Variants in XKR4 observed in about 807,000 individuals in gnomAD.
XKR4 encodes XK-related protein 4.
A neutral mutation model predicts 53.9 loss-of-function variants in XKR4; 12 were observed. The observed-to-expected ratio is 0.22, with a 90% CI of 0.14 to 0.36. XKR4 has a LOEUF of 0.36. Among genes scored for constraint, XKR4 ranks in the 10% least tolerant of loss-of-function variants. The probability of loss-of-function intolerance (pLI) is 1.00; values close to 1 mark genes in which losing one functional copy is unlikely to be tolerated. For missense variants in XKR4, 799 were observed against 859.5 expected, an observed-to-expected ratio of 0.93 and a Z score of 0.88; for synonymous variants, 354 against 362.4, an observed-to-expected ratio of 0.98 and a Z score of 0.26.
chr8:55,311,174 G>A (rs1374883967), intron 1 of XKR4, among the ~76,000 whole-genome samples: 4 of 152,176 alleles, frequency 2.6e-5, no homozygotes, highest in African/African-American at 4.8e-5. Context: ...ATTGGTAAAG[G>A]GACCCAAGGG....
At chr8:55,103,378 G>C (rs1816086937) in intron 1 of XKR4, 84 bp downstream of exon 1, 8 of 1,511,040 alleles carry the variant, frequency 5.3e-6, no homozygotes, top group Non-Finnish European at 7.1e-6. Flanking sequence ...AATCTTTCAG[G>C]GTTGCTTTGG....
At chr8:55,371,913 C>A (rs1327035873) in intron 2 of XKR4, among the ~76,000 whole-genome samples, 1 of 152,170 alleles carries the variant, frequency 6.6e-6, no homozygotes, top group Admixed American at 6.5e-5. Flanking sequence ...AAATAAGGGG[C>A]CTGACTATTT....
intron 2 of XKR4, among the ~76,000 whole-genome samples, chr8:55,441,713 G>A (rs1162853447): frequency 6.6e-6 from 1 of 152,038 alleles, no homozygotes; most frequent in Non-Finnish European, 1.5e-5. Flanking sequence ...AACTTAATAA[G>A]CATTGGTCAG....
At chr8:55,415,758 G>T (rs1393941433) in intron 2 of XKR4, among the ~76,000 whole-genome samples, 6 of 152,184 alleles carry the variant, frequency 3.9e-5, no homozygotes, top group Non-Finnish European at 8.8e-5. Flanking sequence ...AGATTATGCA[G>T]TCATAGAAAC....
chr8:55,259,490 G>C (rs1585972491), intron 1 of XKR4, among the ~76,000 whole-genome samples: 1 of 152,264 alleles, frequency 6.6e-6, no homozygotes, highest in East Asian at 1.9e-4. Flanking sequence ...TTGAAGAAGT[G>C]GTGAGGTTGG....
intron 1 of XKR4, among the ~76,000 whole-genome samples, chr8:55,308,202 G>A (rs920814464): frequency 1.3e-5 from 2 of 152,266 alleles, no homozygotes; most frequent in Middle Eastern, 3.4e-3. Context: ...GCAGTGAGCC[G>A]AGATCGTGCC....
intron 2 of XKR4, among the ~76,000 whole-genome samples, chr8:55,400,859 C>A (rs1290544388): frequency 6.6e-6 from 1 of 152,104 alleles, no homozygotes; most frequent in African/African-American, 2.4e-5. Context: ...TTCTTAAGAG[C>A]CTCTCTCTCC....
chr8:55,534,360 A>ATTATT lies in XKR4; in HGVS notation c.*10135_*10136insATTTT. Reference sequence around the variant, plus strand: ...CGAGCTCAAAGATCACGAATCTGATATTCTTTTTTTTTTTTTTTTTTTTTT... The same window carrying ATTATT: ...CGAGCTCAAAGATCACGAATCTGATATTATTTTCTTTTTTTTTTTTTTTTTTTTTT... On this transcript the variant is annotated 3_prime_UTR_variant, in exon 3 of 3. Transcript: ENST00000327381. 1 of 38,916 alleles carries ATTATT rather than the reference A, an allele frequency of 2.6e-5. No homozygotes were observed. The highest frequency in any genetic ancestry group is 3.5e-4 in the Admixed American group (1 of 2,854). 2.4% of individuals were successfully genotyped at this position (38,916 alleles called of 1,614,324 possible).
intron 1 of XKR4, among the ~76,000 whole-genome samples, chr8:55,285,739 G>C (rs144744143): frequency 1.3e-5 from 2 of 152,258 alleles, no homozygotes; most frequent in Non-Finnish European, 2.9e-5. Context: ...CTGGTCTTGG[G>C]GATGCATGGA....
At chr8:55,346,060 T>C (rs934264744) in intron 1 of XKR4, among the ~76,000 whole-genome samples, 19 of 151,606 alleles carry the variant, frequency 1.3e-4, no homozygotes, top group Non-Finnish European at 2.1e-4. Flanking sequence ...TTAGTGAGTA[T>C]AGAATTTACA....
intron 1 of XKR4, chr8:55,161,387 C>G: frequency 2.6e-6 from 1 of 377,500 alleles, no homozygotes; most frequent in Non-Finnish European, 5.2e-6. Context: ...TTGGTCCCCT[C>G]CTTACATCAC....
At chr8:55,407,757 C>A (rs1466525217) in intron 2 of XKR4, among the ~76,000 whole-genome samples, 2 of 152,250 alleles carry the variant, frequency 1.3e-5, no homozygotes, top group South Asian at 2.1e-4. Flanking sequence ...TCAAAGGCTG[C>A]TTTCTTCTTG....
At position 55,109,934 on chromosome 8, in the gene XKR4, T is replaced by C. The variant is rs181120339; in HGVS notation, c.806+6640T>C. 2.4e-4 allele frequency among the ~76,000 whole-genome samples: 36 copies of C among 152,298 alleles called. No individual in the cohort carries two copies. In the East Asian group the frequency reaches 5.6e-3, roughly 24 times the overall value. ...ATATGTTACAGTTTGAATGATATAGTCCACCTATGAATTTAAGTAACACAA... is the reference window on the plus strand; with the variant it reads ...ATATGTTACAGTTTGAATGATATAGCCCACCTATGAATTTAAGTAACACAA... On this transcript the variant is annotated intron_variant, in intron 1 of 2. Transcript: ENST00000327381.
At chr8:55,153,909 G>C (rs1274818290) in intron 1 of XKR4, among the ~76,000 whole-genome samples, 1 of 152,208 alleles carries the variant, frequency 6.6e-6, no homozygotes, top group Non-Finnish European at 1.5e-5. Flanking sequence ...AGATAGAGGG[G>C]AATTGATAAA....
intron 1 of XKR4, chr8:55,164,436 G>A (rs1817035071): frequency 2.2e-6 from 1 of 456,150 alleles, no homozygotes; most frequent in South Asian, 1.5e-5. Flanking sequence ...GAAAATAAAA[G>A]CACCTTGAGG....
At chr8:55,360,466 A>C (rs937709642) in intron 2 of XKR4, among the ~76,000 whole-genome samples, 2 of 152,254 alleles carry the variant, frequency 1.3e-5, no homozygotes, top group Non-Finnish European at 2.9e-5. Context: ...ACCTAGTTTG[A>C]CATGTATTTT....
rs1015060098 is a variant in XKR4, at chr8:55,540,321, A to T, written c.*16094A>T. 1.3e-5 allele frequency: 2 copies of T among 152,246 alleles called. No individual in the cohort carries two copies. Among genetic ancestry groups the T allele is most frequent in the African/African-American group, 4.8e-5 (2 of 41,468 alleles). 9.4% of individuals were successfully genotyped at this position (152,246 alleles called of 1,614,324 possible). On this transcript the variant is annotated 3_prime_UTR_variant, in exon 3 of 3. Transcript: ENST00000327381. ...AACATATGGAAATTCTCTTTTGATC[A>T]AAAGGAGTGTCTCCCAATTAGTTTA...
At chr8:55,420,823 TAAAA>T (rs1167659345) in intron 2 of XKR4, among the ~76,000 whole-genome samples, 1 of 130,284 alleles carries the variant, frequency 7.7e-6, no homozygotes, top group Non-Finnish European at 1.7e-5. Flanking sequence ...AATAAATAAA[TAAAA>T]AAGAAAGATC....
intron 1 of XKR4, among the ~76,000 whole-genome samples, chr8:55,182,944 C>T (rs1277452705): frequency 1.3e-5 from 2 of 151,862 alleles, no homozygotes; most frequent in Non-Finnish European, 2.9e-5. Flanking sequence ...TATCTCTCTC[C>T]ATTTATTTGT....
Sources: allele counts gnomAD v4.1 joint callset (sites outside exome capture counted in the v4.1 genomes callset), GRCh38; gene constraint gnomAD v4.1.1; transcripts MANE v1.5; gene names NCBI Gene and HGNC (gene_info 2026-07-23, HGNC 2026-07-21).